SLC25A26: variants seen among roughly 807,000 people sequenced by gnomAD.
SLC25A26 encodes mitochondrial S-adenosylmethionine carrier protein.
In SLC25A26, 36 loss-of-function variants were observed where a neutral mutation model predicts 37.8. The ratio of observed to expected loss-of-function variants is 0.95; its 90% CI spans 0.73 to 1.26. SLC25A26 has a LOEUF of 1.26. Ranked by LOEUF, SLC25A26 falls within the 50% of genes most tolerant of loss-of-function variation. The probability of loss-of-function intolerance (pLI) is 0.00; values close to 1 mark genes in which losing one functional copy is unlikely to be tolerated. For missense variants in SLC25A26, 390 were observed against 331.1 expected, an observed-to-expected ratio of 1.18 and a Z score of -1.38; for synonymous variants, 129 against 122.5, an observed-to-expected ratio of 1.05 and a Z score of -0.35.
chr3:66,376,722 T>A (rs1229340516), intron 9 of SLC25A26, among the ~76,000 whole-genome samples: 1 of 152,194 alleles, frequency 6.6e-6, no homozygotes, highest in Non-Finnish European at 1.5e-5. Context: ...GGGACCAAAC[T>A]TGAAATATCT....
At chr3:66,339,298 T>A (rs2076154773) in intron 5 of SLC25A26, among the ~76,000 whole-genome samples, 1 of 152,084 alleles carries the variant, frequency 6.6e-6, no homozygotes, top group South Asian at 2.1e-4. Flanking sequence ...GTTTGAAAGT[T>A]CTTTTTATAT....
intron 5 of SLC25A26, among the ~76,000 whole-genome samples, chr3:66,299,825 A>C (rs2075020177): frequency 1.3e-5 from 2 of 152,210 alleles, no homozygotes; most frequent in Admixed American, 1.3e-4. Context: ...GTAGTTTTTG[A>C]AAAAGAAAAT....
At chr3:66,264,025 A>T (rs2107299136) in intron 5 of SLC25A26, among the ~76,000 whole-genome samples, 1 of 152,076 alleles carries the variant, frequency 6.6e-6, no homozygotes, top group East Asian at 2.0e-4. Context: ...CACGCCTGTA[A>T]TCCCAACAGT....
intron 5 of SLC25A26, among the ~76,000 whole-genome samples, chr3:66,288,488 C>G (rs1315058997): frequency 6.6e-6 from 1 of 152,062 alleles, no homozygotes; most frequent in Non-Finnish European, 1.5e-5. Flanking sequence ...TCCCCTACCC[C>G]TCGACAGGCC....
chr3:66,243,628 G>A (rs782442636), intron 3 of SLC25A26, among the ~76,000 whole-genome samples: 21 of 152,118 alleles, frequency 1.4e-4, no homozygotes, highest in African/African-American at 3.6e-4. Flanking sequence ...GTATTGTGTC[G>A]GTACAACTGA....
At chr3:66,206,113 C>T (rs1178524871) in intron 1 of SLC25A26, among the ~76,000 whole-genome samples, 4 of 152,096 alleles carry the variant, frequency 2.6e-5, no homozygotes, top group African/African-American at 7.2e-5. Context: ...TCAGTTGTGC[C>T]TGCAAACTTC....
rs35569177 is a variant in SLC25A26 at position 66,281,822 on chromosome 3, CTT to C, written c.453+18460_453+18461del. On this transcript the variant is annotated intron_variant, in intron 5 of 9. Transcript: ENST00000354883. Reference sequence around the variant, plus strand: ...TTCATGTGACATTTCCCCGTTAGTCCTTTTTTTTTTTTTTTTTTGAGATGGAG... The same window carrying C: ...TTCATGTGACATTTCCCCGTTAGTCCTTTTTTTTTTTTTTTTGAGATGGAG... Among the ~76,000 whole-genome samples, 270 of 122,372 alleles carry C rather than the reference CTT, an allele frequency of 2.2e-3. 1 individual carries two copies. Among genetic ancestry groups the C allele is most frequent in the Middle Eastern group, 3.8e-3 (1 of 262 alleles). 80.3% of individuals were successfully genotyped at this position (122,372 alleles called of 152,430 possible).
At chr3:66,282,910 G>A (rs189505068) in intron 5 of SLC25A26, among the ~76,000 whole-genome samples, 9 of 152,216 alleles carry the variant, frequency 5.9e-5, no homozygotes, top group East Asian at 5.8e-4. Flanking sequence ...AGTTTTTTCT[G>A]TTTGAGAATG....
intron 1 of SLC25A26, among the ~76,000 whole-genome samples, chr3:66,152,911 G>A (rs189761104): frequency 2.2e-4 from 34 of 152,298 alleles, no homozygotes; most frequent in East Asian, 1.2e-3. Flanking sequence ...AACTCTGGCC[G>A]TTTAGAATTA....
intron 5 of SLC25A26, among the ~76,000 whole-genome samples, chr3:66,340,552 T>TA (rs563399889): frequency 8.3e-4 from 126 of 152,262 alleles, no homozygotes; most frequent in African/African-American, 3.0e-3. Flanking sequence ...CTTTTATCTT[T>TA]AGGTCTGTGA....
intron 5 of SLC25A26, among the ~76,000 whole-genome samples, chr3:66,284,216 G>A (rs1361897707): frequency 6.6e-6 from 1 of 152,076 alleles, no homozygotes; most frequent in East Asian, 1.9e-4. Context: ...GCCTGTGGTG[G>A]TGCACACCCA....
At chr3:66,219,818 T>C (rs2071420545), upstream of SLC25A26, among the ~76,000 whole-genome samples, 1 of 152,308 alleles carries the variant, frequency 6.6e-6, no homozygotes, top group South Asian at 2.1e-4. Flanking sequence ...CTTGAGTGCA[T>C]TATCTCATTT....
At chr3:66,215,237 T>G (rs1276950904) in intron 1 of SLC25A26, among the ~76,000 whole-genome samples, 5 of 152,370 alleles carry the variant, frequency 3.3e-5, no homozygotes, top group South Asian at 2.1e-4. Context: ...GGTCTTGCTT[T>G]GTCACCCAGG....
chr3:66,158,940 T>TC (rs36183460), intron 1 of SLC25A26, among the ~76,000 whole-genome samples: 5 of 151,958 alleles, frequency 3.3e-5, no homozygotes, highest in African/African-American at 1.2e-4. Context: ...TAGGGGACCT[T>TC]CCCCCATACT....
intron 6 of SLC25A26, among the ~76,000 whole-genome samples, chr3:66,353,891 T>G (rs1401969510): frequency 1.3e-5 from 2 of 152,230 alleles, no homozygotes; most frequent in Non-Finnish European, 2.9e-5. Flanking sequence ...TGTCTTCTGT[T>G]TATTCTTTAT....
intron 5 of SLC25A26, among the ~76,000 whole-genome samples, chr3:66,269,608 G>A (rs1052619166): frequency 3.3e-5 from 5 of 152,172 alleles, no homozygotes; most frequent in Non-Finnish European, 7.4e-5. Flanking sequence ...TGCACCAGTT[G>A]GATGTTTTCC....
chr3:66,295,860 C>T (rs111346349), intron 5 of SLC25A26, among the ~76,000 whole-genome samples: 1,791 of 152,000 alleles, frequency 0.012, 12 homozygotes, highest in South Asian at 0.018. Context: ...GTGGCTCACG[C>T]CTGTAATCCC....
chr3:66,220,418 A>G (rs1553657815), upstream of SLC25A26, among the ~76,000 whole-genome samples: 2 of 152,142 alleles, frequency 1.3e-5, no homozygotes, highest in South Asian at 2.1e-4. Context: ...AGGTGTACAC[A>G]TGAGTACAAC....
chr3:66,252,933 A>G (rs2073141219), intron 3 of SLC25A26, among the ~76,000 whole-genome samples: 1 of 151,540 alleles, frequency 6.6e-6, no homozygotes, highest in African/African-American at 2.4e-5. Context: ...CGGTAAGTAT[A>G]CTACTTGTGC....
Sources: gnomAD v4.1 joint callset for allele counts (sites outside exome capture counted in the v4.1 genomes callset) on GRCh38, gnomAD v4.1.1 for gene constraint, MANE v1.5 for transcripts, NCBI Gene and HGNC (gene_info 2026-07-23, HGNC 2026-07-21) for gene names.